Variants in CALB2 observed in about 807,000 individuals in gnomAD.
CALB2 encodes calbindin 2.
Under a neutral mutation model 45.9 loss-of-function variants are expected in CALB2, and 34 were observed. That is an observed-to-expected ratio of 0.74 (90% confidence interval 0.56 to 0.99). The LOEUF (loss-of-function observed/expected upper bound fraction) is 0.99. CALB2 is among the 50% of genes least tolerant of loss of function. The pLI, the probability that CALB2 is intolerant of heterozygous loss-of-function variation, is 0.00. For synonymous variants in CALB2, 142 were observed against 129.6 expected (o/e 1.10, Z -0.65); for missense variants, 344 against 339.3 (o/e 1.01, Z -0.11).
intron 9 of CALB2, 50 bp downstream of exon 9, chr16:71,384,886 G>A (rs111305985): frequency 3.2e-5 from 47 of 1,480,000 alleles, no homozygotes; most frequent in African/African-American, 1.8e-4. Flanking sequence ...CCATCAGCCC[G>A]TCCAGAAGGG....
At position 71,358,748 on chromosome 16, in the gene CALB2, C is replaced by T. The variant is rs898842960; in HGVS notation, c.-45C>T. ...AGCGCGAGTGCCAGAGCCCAGCCGGCGCGGAGCGGGAGCGGTGCAGGCTGA... is the reference window on the plus strand; with the variant it reads ...AGCGCGAGTGCCAGAGCCCAGCCGGTGCGGAGCGGGAGCGGTGCAGGCTGA... On this transcript the variant is annotated 5_prime_UTR_variant, in exon 1 of 11. Coordinates refer to ENST00000302628, the MANE Select transcript of CALB2 (RefSeq NM_001740.5). 2 of 1,485,728 alleles carry T rather than the reference C, an allele frequency of 1.3e-6. No homozygotes were observed. The highest frequency in any genetic ancestry group is 1.2e-5 in the South Asian group (1 of 83,404). The allele number at this position is 1,485,728 out of a possible 1,614,324, so 92.0% of individuals were successfully genotyped here.
intron 4 of CALB2, among the ~76,000 whole-genome samples, chr16:71,381,201 G>A (rs142275404): frequency 2.6e-5 from 4 of 152,282 alleles, no homozygotes; most frequent in East Asian, 3.9e-4. Flanking sequence ...AAGTGCCTGC[G>A]AGTTGTTGGT....
At chr16:71,374,617 G>C in intron 2 of CALB2, 128 bp from the exon 3 acceptor site, 1 of 638,866 alleles carries the variant, frequency 1.6e-6, no homozygotes, top group Non-Finnish European at 2.9e-6. Context: ...TGATCAATCA[G>C]AGCATCAGCA....
At chr16:71,370,540 C>G (rs2042337371) in intron 1 of CALB2, among the ~76,000 whole-genome samples, 1 of 152,004 alleles carries the variant, frequency 6.6e-6, no homozygotes, top group African/African-American at 2.4e-5. Flanking sequence ...ATCAGAAAGT[C>G]TAGAGGTGGG....
At chr16:71,361,865 C>A (rs1290827183) in intron 1 of CALB2, among the ~76,000 whole-genome samples, 2 of 152,228 alleles carry the variant, frequency 1.3e-5, no homozygotes, top group East Asian at 3.8e-4. Flanking sequence ...ATTCTTTTCA[C>A]AAGATCACAC....
At chr16:71,364,038 T>C (rs1404350591) in intron 1 of CALB2, among the ~76,000 whole-genome samples, 1 of 152,066 alleles carries the variant, frequency 6.6e-6, no homozygotes, top group Non-Finnish European at 1.5e-5. Flanking sequence ...CCCCTGCCTC[T>C]GCTCCCTCCC....
rs745974357 is a variant in CALB2, at chr16:71,382,733, C to T, written c.357C>T (p.Tyr119=). The change falls in exon 5 of 11, where the codon TAC becomes TAT. Residue 119 remains tyrosine, a synonymous_variant. Transcript: ENST00000302628. Reference sequence around the variant, plus strand: ...TGTTGTTGCAGGCTTGGCGGAAGTACGACACAGACAGGAGTGGCTACATCG... The same window carrying T: ...TGTTGTTGCAGGCTTGGCGGAAGTATGACACAGACAGGAGTGGCTACATCG... ...SAEFMEAWRK[Y]DTDRSGYIEA... 16 of 1,611,236 alleles carry T rather than the reference C, an allele frequency of 9.9e-6. No individual in the cohort carries two copies. Among genetic ancestry groups the T allele is most frequent in the Middle Eastern group, 1.7e-4 (1 of 6,050 alleles).
Position 71,384,835 on chromosome 16 carries a change from A to G in CALB2, c.626A>G (p.Lys209Arg). Residue 209 changes from lysine to arginine, a missense_variant and splice_region_variant, in exon 9 of 11, where the codon AAG becomes AGG. Lys to Arg is a conservative substitution (Grantham distance 26). Around this residue, in one of 3 missense-constraint regions of CALB2, gnomAD observed 263 missense variants for 241.7 expected, o/e 1.09. Coordinates refer to ENST00000302628, the MANE Select transcript of CALB2 (RefSeq NM_001740.5). Reference protein sequence around the residue: ...EFNAIFTFYDKDRSGYIDEHE... With the variant: ...EFNAIFTFYDRDRSGYIDEHE... The stretch of plus-strand genomic sequence containing the variant: ...AACGCGATCTTCACATTTTACGACA[A>G]GGTAAGAGAGGGAGTTGGCATGGCA... The G allele has an allele frequency of 6.2e-7, 1 of 1,612,254 alleles. No homozygotes were observed. Among genetic ancestry groups the G allele is most frequent in the African/African-American group, 1.3e-5 (1 of 74,790 alleles).
chr16:71,361,919 C>T (rs1204147947), intron 1 of CALB2, among the ~76,000 whole-genome samples: 2 of 152,188 alleles, frequency 1.3e-5, no homozygotes, highest in Non-Finnish European at 2.9e-5. Flanking sequence ...AATCTGGTCT[C>T]CTAGTCCGCA....
chr16:71,390,100 G>A lies in CALB2; in HGVS notation c.*235G>A, dbSNP rs2042620603. 3.8e-6 allele frequency: 2 copies of A among 521,540 alleles called. No homozygotes were observed. Among genetic ancestry groups the A allele is most frequent in the Admixed American group, 3.3e-5 (1 of 30,570 alleles). 32.3% of individuals were successfully genotyped at this position (521,540 alleles called of 1,614,324 possible). A position where few individuals can be genotyped will look rare whatever the true frequency, so the allele number is the denominator to read the frequency against. The stretch of plus-strand genomic sequence containing the variant: ...GCTCAGTGGATCACACACATGGAAG[G>A]TGATGGGGGCATGGGTGGAGGGTCC... On this transcript the variant is annotated 3_prime_UTR_variant, in exon 11 of 11. Coordinates refer to ENST00000302628, the MANE Select transcript of CALB2 (RefSeq NM_001740.5).
intron 3 of CALB2, 79 bp from the exon 4 acceptor site, chr16:71,377,588 A>T (rs1014670775): frequency 1.0e-6 from 1 of 992,590 alleles, no homozygotes. Flanking sequence ...GGCCCTTTCC[A>T]TCCTTCTTAG....
At chr16:71,387,870 T>C (rs1169282562) in intron 10 of CALB2, among the ~76,000 whole-genome samples, 1 of 152,152 alleles carries the variant, frequency 6.6e-6, no homozygotes, top group African/African-American at 2.4e-5. Context: ...CTAGACATGC[T>C]TGCAAAGTGC....
At chr16:71,388,575 G>T (rs1178052995) in intron 10 of CALB2, among the ~76,000 whole-genome samples, 1 of 152,100 alleles carries the variant, frequency 6.6e-6, no homozygotes, top group Non-Finnish European at 1.5e-5. Flanking sequence ...ATGAGACAAT[G>T]GGCATATGTT....
rs1388482632 is a variant in CALB2, at chr16:71,358,862, AT to A, written c.71del (p.Ile24AsnfsTer18). 6.2e-7 allele frequency: 1 copy of A among 1,613,386 alleles called. No homozygotes were observed. The highest frequency in any genetic ancestry group is 8.5e-7 in the Non-Finnish European group (1 of 1,179,854). On this transcript the variant is annotated frameshift_variant, in exon 1 of 11. Transcript: ENST00000302628. LOFTEE classifies it high-confidence loss of function. ...AELTASQFLE[I>X]WKHFDADGNG... ...GCTGACGGCGTCCCAGTTCCTGGAA[AT>A]ATGGAAGCACTTTGACGCAGACGGT...
intron 4 of CALB2, among the ~76,000 whole-genome samples, chr16:71,379,434 T>C (rs2042460035): frequency 6.6e-6 from 1 of 152,200 alleles, no homozygotes; most frequent in Admixed American, 6.5e-5. Flanking sequence ...ATGAAATTGC[T>C]GATATTTAAC....
At chr16:71,388,784 C>T (rs2042601064) in intron 10 of CALB2, among the ~76,000 whole-genome samples, 1 of 150,896 alleles carries the variant, frequency 6.6e-6, no homozygotes, top group African/African-American at 2.4e-5. Context: ...AGTTCGAAAC[C>T]AGCCTGGCCA....
intron 7 of CALB2, 102 bp from the exon 8 acceptor site, chr16:71,384,237 G>T: frequency 9.0e-7 from 1 of 1,109,172 alleles, no homozygotes; most frequent in African/African-American, 1.5e-5. Context: ...GAAGTGCTCA[G>T]AAATCATTTC....
At chr16:71,375,198 A>C (rs929612905) in intron 3 of CALB2, among the ~76,000 whole-genome samples, 2 of 152,264 alleles carry the variant, frequency 1.3e-5, no homozygotes, top group Admixed American at 1.3e-4. Flanking sequence ...TAAAAGTTAT[A>C]TACATAATTT....
intron 2 of CALB2, among the ~76,000 whole-genome samples, chr16:71,374,284 C>G (rs1025380220): frequency 6.6e-6 from 1 of 152,106 alleles, no homozygotes; most frequent in Non-Finnish European, 1.5e-5. Context: ...TGTGGAATTG[C>G]CAGTTAGTCT....
Sources: gnomAD v4.1 joint callset for allele counts (sites outside exome capture counted in the v4.1 genomes callset) on GRCh38, gnomAD v4.1.1 for gene constraint, gnomAD v4.1.1 regional missense constraint, MANE v1.5 for transcripts, NCBI Gene and HGNC (gene_info 2026-07-23, HGNC 2026-07-21) for gene names.